WWC1: variants seen among roughly 807,000 people sequenced by gnomAD.
The protein encoded by WWC1 is WW and C2 domain containing 1.
Under a neutral mutation model 138.4 loss-of-function variants are expected in WWC1, and 55 were observed. The ratio of observed to expected loss-of-function variants is 0.40; its 90% CI spans 0.32 to 0.50. WWC1 has a LOEUF of 0.50. Among genes scored for constraint, WWC1 ranks in the 20% least tolerant of loss-of-function variants. The probability of loss-of-function intolerance (pLI) is 0.72; values close to 1 mark genes in which losing one functional copy is unlikely to be tolerated. For missense variants in WWC1, 1,226 were observed against 1,420.4 expected, an observed-to-expected ratio of 0.86 and a Z score of 2.20; for synonymous variants, 524 against 564.9, an observed-to-expected ratio of 0.93 and a Z score of 1.03.
intron 2 of WWC1, among the ~76,000 whole-genome samples, chr5:168,380,731 T>A (rs898073082): frequency 6.6e-6 from 1 of 152,200 alleles, no homozygotes; most frequent in African/African-American, 2.4e-5. Flanking sequence ...GTATTCATCA[T>A]AATAATCCCT....
At chr5:168,321,461 C>T (rs1581914259) in intron 1 of WWC1, among the ~76,000 whole-genome samples, 1 of 152,094 alleles carries the variant, frequency 6.6e-6, no homozygotes, top group South Asian at 2.1e-4. Context: ...AAAGTTAGTT[C>T]CTCAAGAAAT....
rs1210386416 is a variant in WWC1 at position 168,430,392 on chromosome 5, A to C, written c.2087+169A>C. Among the ~76,000 whole-genome samples, 3 of 152,316 alleles carry C rather than the reference A, an allele frequency of 2.0e-5. No individual in the cohort carries two copies. In the East Asian group the frequency reaches 5.8e-4, roughly 29 times the overall value. On this transcript the variant is annotated intron_variant, in intron 14 of 22. Coordinates refer to ENST00000265293, the MANE Select transcript of WWC1 (RefSeq NM_015238.3). ...ATGTCGGTGCTGTGCATGTGAATAC[A>C]GGCACAACGGCAAGCACACCAACTG...
rs10042576 is a variant in WWC1, at chr5:168,468,108, A to G, written c.3275+144A>G. The G allele has an allele frequency of 3.9e-3, 5,099 of 1,321,352 alleles. 168 individuals are homozygous for G. In the African/African-American group the frequency reaches 0.065, roughly 17 times the overall value. The allele number at this position is 1,321,352 out of a possible 1,614,324, so 81.9% of individuals were successfully genotyped here. On this transcript the variant is annotated intron_variant, in intron 22 of 22. Coordinates refer to ENST00000265293, the MANE Select transcript of WWC1 (RefSeq NM_015238.3). ...ACAGATGTTCATCCTCCGCCAAGCC[A>G]TCCCTGGCGATCCATGAGCTCTGCA...
rs1385638887 is a variant in WWC1, at chr5:168,467,927, C to T, written c.3238C>T (p.Gln1080Ter). Residue 1080 changes from glutamine (Q) to a stop codon, truncating the protein, a stop_gained, in exon 22 of 23, where the codon CAG (glutamine) becomes TAG (stop). Transcript: ENST00000265293. LOFTEE classifies it high-confidence loss of function. ...AAKDVHRLRGQSCKEPPEVQS... is the reference protein window; with the variant it reads ...AAKDVHRLRG ...CAAGGATGTGCACAGGCTCCGAGGC[C>T]AGAGCTGTAAGGAACCCCCAGAAGT... 6.2e-7 allele frequency: 1 copy of T among 1,614,218 alleles called. No individual in the cohort carries two copies. Among genetic ancestry groups the T allele is most frequent in the South Asian group, 1.1e-5 (1 of 91,082 alleles).
intron 1 of WWC1, among the ~76,000 whole-genome samples, chr5:168,327,125 C>A (rs1772631023): frequency 6.6e-6 from 1 of 152,188 alleles, no homozygotes; most frequent in Admixed American, 6.5e-5. Context: ...TTGGAATTTT[C>A]TTCCACAGGG....
At chr5:168,446,205 C>G (rs13169632) in intron 17 of WWC1, among the ~76,000 whole-genome samples, 3,055 of 128,158 alleles carry the variant, frequency 0.024, 55 homozygotes, top group South Asian at 0.089. Context: ...ATATTGCTTG[C>G]TAAGCCTGAG....
At chr5:168,412,218 A>G (rs1582205141) in intron 8 of WWC1, 1 of 983,858 alleles carries the variant, frequency 1.0e-6, no homozygotes, top group Non-Finnish European at 1.2e-6. Context: ...AGCTCATCTG[A>G]CTTTATGCAG....
At position 168,472,155 on chromosome 5, in the gene WWC1, G is replaced by A. The variant is rs1330174332; in HGVS notation, c.*3138G>A. The A allele has an allele frequency of 1.3e-5, 2 of 152,274 alleles. No individual in the cohort carries two copies. Among genetic ancestry groups the A allele is most frequent in the African/African-American group, 2.4e-5 (1 of 41,472 alleles). 9.4% of individuals were successfully genotyped at this position (152,274 alleles called of 1,614,324 possible). ...TCAGCTGTCGGGGCATTTGTGGGGAGAACCAGACCACCTCTGCGGAAGGCA... is the reference window on the plus strand; with the variant it reads ...TCAGCTGTCGGGGCATTTGTGGGGAAAACCAGACCACCTCTGCGGAAGGCA... On this transcript the variant is annotated 3_prime_UTR_variant, in exon 23 of 23. Coordinates refer to ENST00000265293, the MANE Select transcript of WWC1 (RefSeq NM_015238.3).
intron 1 of WWC1, among the ~76,000 whole-genome samples, chr5:168,304,156 C>G (rs1332227613): frequency 1.3e-5 from 2 of 152,196 alleles, no homozygotes; most frequent in Non-Finnish European, 2.9e-5. Context: ...GCAGCCATTA[C>G]AGTCCCCATA....
intron 1 of WWC1, among the ~76,000 whole-genome samples, chr5:168,333,029 A>T (rs72828867): frequency 0.15 from 23,299 of 152,156 alleles, 1,886 homozygotes; most frequent in African/African-American, 0.17. Context: ...TTTATTAAAA[A>T]TGGTGGGGGA....
At chr5:168,362,268 T>G (rs1213447344) in intron 1 of WWC1, among the ~76,000 whole-genome samples, 1 of 152,190 alleles carries the variant, frequency 6.6e-6, no homozygotes, top group African/African-American at 2.4e-5. Context: ...TATAAATACA[T>G]TAACTGCTTG....
chr5:168,300,514 C>T (rs952806560), intron 1 of WWC1, among the ~76,000 whole-genome samples: 3 of 143,354 alleles, frequency 2.1e-5, no homozygotes, highest in Non-Finnish European at 4.5e-5. Context: ...GAAATGAGAT[C>T]TTTCAGTTTC....
intron 1 of WWC1, among the ~76,000 whole-genome samples, chr5:168,338,793 T>C (rs979055800): frequency 2.6e-5 from 4 of 152,142 alleles, no homozygotes; most frequent in African/African-American, 9.7e-5. Flanking sequence ...GTTGATCTCA[T>C]AGAAGTAAAA....
intron 1 of WWC1, among the ~76,000 whole-genome samples, chr5:168,370,702 TG>T (rs1257420393): frequency 2.7e-4 from 41 of 152,240 alleles, no homozygotes; most frequent in Admixed American, 2.7e-3. Flanking sequence ...GACAAGCCTT[TG>T]TTAGTTTAGT....
chr5:168,377,795 G>A (rs933720166), intron 2 of WWC1, among the ~76,000 whole-genome samples: 1 of 152,238 alleles, frequency 6.6e-6, no homozygotes, highest in South Asian at 2.1e-4. Flanking sequence ...TGCTGGTGAG[G>A]ATGTGGAGAA....
intron 8 of WWC1, among the ~76,000 whole-genome samples, chr5:168,413,135 C>G (rs1561727958): frequency 6.6e-6 from 1 of 152,200 alleles, no homozygotes; most frequent in East Asian, 1.9e-4. Context: ...CCAGAGGCCT[C>G]TGGTCTCAAC....
chr5:168,315,402 C>T (rs1015637790), intron 1 of WWC1, among the ~76,000 whole-genome samples: 1 of 151,872 alleles, frequency 6.6e-6, no homozygotes, highest in Non-Finnish European at 1.5e-5. Context: ...TCTCTTTGCC[C>T]CTTTGCTTGA....
rs1757653079 is a variant in WWC1 at position 168,471,048 on chromosome 5, A to C, written c.*2031A>C. 6.6e-6 allele frequency: 1 copy of C among 152,296 alleles called. No homozygotes were observed. The highest frequency in any genetic ancestry group is 1.5e-5 in the Non-Finnish European group (1 of 68,136). The allele number at this position is 152,296 out of a possible 1,614,324, so 9.4% of individuals were successfully genotyped here. On this transcript the variant is annotated 3_prime_UTR_variant, in exon 23 of 23. Transcript: ENST00000265293. ...GGCCCGCATCCTATTGGTGAGTCAC[A>C]CAGGGAACGCTGAAATTCATGGCCT...
At chr5:168,348,840 G>A (rs147521805) in intron 1 of WWC1, among the ~76,000 whole-genome samples, 1 of 152,092 alleles carries the variant, frequency 6.6e-6, no homozygotes, top group African/African-American at 2.4e-5. Flanking sequence ...GAGGGTGTGA[G>A]AAGAAAGGGG....
Sources: gnomAD v4.1 joint callset for allele counts (sites outside exome capture counted in the v4.1 genomes callset) on GRCh38, gnomAD v4.1.1 for gene constraint, MANE v1.5 for transcripts, NCBI Gene and HGNC (gene_info 2026-07-23, HGNC 2026-07-21) for gene names.